FLACC1: variants seen among roughly 807,000 people sequenced by gnomAD.
The protein encoded by FLACC1 is flagellum-associated coiled-coil domain-containing protein 1.
In FLACC1, 66 loss-of-function variants were observed where a neutral mutation model predicts 62.8. The ratio of observed to expected loss-of-function variants is 1.05; its 90% CI spans 0.86 to 1.29. The LOEUF (loss-of-function observed/expected upper bound fraction) is 1.29, where lower values mean the gene tolerates loss of function less well. FLACC1 is among the 50% of genes most tolerant of loss of function. The pLI, the probability that FLACC1 is intolerant of heterozygous loss-of-function variation, is 0.00. For synonymous variants in FLACC1, 156 were observed against 161.0 expected (o/e 0.97, Z 0.24); for missense variants, 452 against 489.1 (o/e 0.92, Z 0.71).
intron 11 of FLACC1, among the ~76,000 whole-genome samples, chr2:201,306,564 G>A (rs1340156838): frequency 1.3e-5 from 2 of 152,080 alleles, no homozygotes; most frequent in African/African-American, 4.8e-5. Context: ...GAGAATCATA[G>A]AAGCTAAAAT....
intron 5 of FLACC1, 145 bp from the exon 6 acceptor site, chr2:201,344,408 G>A (rs1170844546): frequency 1.3e-5 from 9 of 696,808 alleles, no homozygotes; most frequent in Non-Finnish European, 2.0e-5. Context: ...ATTATGGGGT[G>A]GGGGTGGAGG....
At chr2:201,350,824 A>G (rs1951013981) in intron 2 of FLACC1, 42 bp from the exon 3 acceptor site, 1 of 1,558,466 alleles carries the variant, frequency 6.4e-7, no homozygotes, top group Non-Finnish European at 8.8e-7. Context: ...AACATTGGAA[A>G]TTCGGAAACC....
At chr2:201,300,114 A>C (rs7560328) in intron 11 of FLACC1, among the ~76,000 whole-genome samples, 81,933 of 151,924 alleles carry the variant, frequency 0.54, 23,001 homozygotes, top group East Asian at 0.68. Flanking sequence ...GGGAGCCGAA[A>C]CAGGGTGGGG....
chr2:201,338,341 G>A lies in FLACC1; in HGVS notation c.524+4029C>T, dbSNP rs139112686. Among the ~76,000 whole-genome samples, 120 of 151,886 alleles carry A rather than the reference G, an allele frequency of 7.9e-4. 1 individual carries two copies. The East Asian group carries it at 0.011, about 14-fold the overall frequency. On this transcript the variant is annotated intron_variant, in intron 7 of 14. Transcript: ENST00000392257. ...TTTCATATATAAGATTATGTTTTTC[G>A]GCAAAGAGAGATCATTTGGCTTCCT...
chr2:201,312,360 A>C (rs973558389), intron 9 of FLACC1, among the ~76,000 whole-genome samples: 5 of 152,220 alleles, frequency 3.3e-5, no homozygotes. Context: ...ATCCCTAAAA[A>C]TATAGCTAAC....
intron 9 of FLACC1, among the ~76,000 whole-genome samples, chr2:201,321,381 T>G (rs1950400951): frequency 1.3e-5 from 2 of 152,118 alleles, no homozygotes; most frequent in African/African-American, 4.8e-5. Context: ...CAGCAGGACT[T>G]AAGAACCAGA....
chr2:201,331,408 T>TA (rs989592896), intron 7 of FLACC1, among the ~76,000 whole-genome samples: 2 of 152,150 alleles, frequency 1.3e-5, no homozygotes, highest in African/African-American at 4.8e-5. Flanking sequence ...GTCTTGTCTA[T>TA]AGCTTGCTCG....
intron 3 of FLACC1, among the ~76,000 whole-genome samples, 175 bp downstream of exon 3, chr2:201,350,536 A>G (rs1312083671): frequency 6.6e-6 from 1 of 151,894 alleles, no homozygotes; most frequent in Non-Finnish European, 1.5e-5. Context: ...AAAAGTAGCC[A>G]GGCATGGTGG....
chr2:201,319,104 T>A (rs1016190826), intron 9 of FLACC1, among the ~76,000 whole-genome samples: 1 of 151,804 alleles, frequency 6.6e-6, no homozygotes, highest in South Asian at 2.1e-4. Flanking sequence ...AATAAAAAAA[T>A]TTAAAAAAAT....
chr2:201,360,973 G>A (rs1951181220), upstream of FLACC1, among the ~76,000 whole-genome samples: 1 of 152,172 alleles, frequency 6.6e-6, no homozygotes, highest in Non-Finnish European at 1.5e-5. Context: ...AGCTACTCGG[G>A]AGGTTGAGGT....
At chr2:201,307,781 T>C (rs931011693) in intron 10 of FLACC1, among the ~76,000 whole-genome samples, 159 bp from the exon 11 acceptor site, 2 of 152,198 alleles carry the variant, frequency 1.3e-5, no homozygotes, top group Non-Finnish European at 2.9e-5. Context: ...CTGAAGGTGC[T>C]TGAGGGTGAG....
At chr2:201,335,957 T>A in intron 7 of FLACC1, among the ~76,000 whole-genome samples, 1 of 152,232 alleles carries the variant, frequency 6.6e-6, no homozygotes, top group Admixed American at 6.5e-5. Context: ...GTCTTCTTAA[T>A]TTCTTTTTTA....
At chr2:201,351,079 G>A (rs1435917109) in intron 2 of FLACC1, among the ~76,000 whole-genome samples, 1 of 152,212 alleles carries the variant, frequency 6.6e-6, no homozygotes, top group Non-Finnish European at 1.5e-5. Context: ...CCAACACTGA[G>A]ACTTCCTCAT....
chr2:201,294,847 C>A (rs561463740), intron 12 of FLACC1, among the ~76,000 whole-genome samples: 1,910 of 152,180 alleles, frequency 0.013, 18 homozygotes, highest in Middle Eastern at 0.041. Flanking sequence ...AATCAATGTG[C>A]AAAAATCACA....
chr2:201,346,180 C>T lies in FLACC1; in HGVS notation c.368+362G>A, dbSNP rs964183159. 5.3e-5 allele frequency among the ~76,000 whole-genome samples: 8 copies of T among 152,190 alleles called. No individual in the cohort carries two copies. Among genetic ancestry groups the T allele is most frequent in the African/African-American group, 1.7e-4 (7 of 41,526 alleles). On this transcript the variant is annotated intron_variant, in intron 5 of 14. Transcript: ENST00000392257. The surrounding 1 kb of genome is among the most constrained non-coding windows in gnomAD (Gnocchi z 4.0). ...ACTCTGTCTCAAAAAAAAAAGTGCA[C>T]TCCAGCCACCCAGAAACCCTCACTT...
intron 9 of FLACC1, among the ~76,000 whole-genome samples, chr2:201,316,643 G>A (rs542426272): frequency 6.6e-6 from 1 of 152,220 alleles, no homozygotes; most frequent in Non-Finnish European, 1.5e-5. Flanking sequence ...AGAAGGATTG[G>A]TACCAATCCT....
chr2:201,359,497 G>A (rs2125632553), upstream of FLACC1, among the ~76,000 whole-genome samples: 1 of 152,294 alleles, frequency 6.6e-6, no homozygotes, highest in African/African-American at 2.4e-5. Flanking sequence ...AGAGCTCTGA[G>A]GACACCAGTA....
chr2:201,336,832 T>A (rs1003077640), intron 7 of FLACC1, among the ~76,000 whole-genome samples: 42 of 152,356 alleles, frequency 2.8e-4, no homozygotes, highest in South Asian at 2.1e-4. Flanking sequence ...CTTTTTATAA[T>A]AGCCATTCTA....
chr2:201,299,125 A>G, intron 12 of FLACC1, 113 bp downstream of exon 12: 1 of 1,062,182 alleles, frequency 9.4e-7, no homozygotes, highest in Non-Finnish European at 1.4e-6. Flanking sequence ...TAGGTCTTCC[A>G]TTTCTTATTG....
Sources: gnomAD v4.1 joint callset for allele counts (sites outside exome capture counted in the v4.1 genomes callset) on GRCh38, gnomAD v4.1.1 for gene constraint, Gnocchi (gnomAD v3.1) non-coding constraint, MANE v1.5 for transcripts, NCBI Gene and HGNC (gene_info 2026-07-23, HGNC 2026-07-21) for gene names.